FSTL4: variants seen among roughly 807,000 people sequenced by gnomAD.
The protein encoded by FSTL4 is follistatin like 4.
In FSTL4, 28 loss-of-function variants were observed where a neutral mutation model predicts 78.2. The observed-to-expected ratio is 0.36, with a 90% CI of 0.27 to 0.49. FSTL4 has a LOEUF of 0.49. Ranked by LOEUF, FSTL4 falls within the 20% of genes least tolerant of loss-of-function variation. The probability of loss-of-function intolerance (pLI) is 0.98; values close to 1 mark genes in which losing one functional copy is unlikely to be tolerated. For synonymous variants in FSTL4, 422 were observed against 440.5 expected (o/e 0.96, Z 0.53); for missense variants, 922 against 1,084.9 (o/e 0.85, Z 2.11).
intron 4 of FSTL4, among the ~76,000 whole-genome samples, chr5:133,341,166 A>G (rs901469864): frequency 2.6e-5 from 4 of 151,614 alleles, no homozygotes; most frequent in South Asian, 4.2e-4. Flanking sequence ...CTAAGAGCTC[A>G]GGAGAGAGTT....
At chr5:133,561,181 T>G (rs1203138936) in intron 3 of FSTL4, among the ~76,000 whole-genome samples, 1 of 151,330 alleles carries the variant, frequency 6.6e-6, no homozygotes, top group African/African-American at 2.4e-5. Context: ...ATCCAGAGTC[T>G]CATGAACACA....
At chr5:133,517,885 T>C (rs894721177) in intron 3 of FSTL4, among the ~76,000 whole-genome samples, 5 of 152,198 alleles carry the variant, frequency 3.3e-5, no homozygotes, top group Admixed American at 3.3e-4. Context: ...GGGAGCTAAG[T>C]CTTTTTTCTA....
At chr5:133,758,781 G>A in the FSTL4 span, among the ~76,000 whole-genome samples, 1 of 152,312 alleles carries the variant, frequency 6.6e-6, no homozygotes, top group Admixed American at 6.5e-5. Flanking sequence ...TAGCTGGGTG[G>A]TTCTGACTCA....
chr5:133,647,328 G>A, the FSTL4 span, among the ~76,000 whole-genome samples: 4 of 152,096 alleles, frequency 2.6e-5, no homozygotes, highest in Admixed American at 6.6e-5. Context: ...ATTGAGTTCC[G>A]TAAATTGACT....
intron 4 of FSTL4, among the ~76,000 whole-genome samples, chr5:133,320,530 C>T (rs1334480078): frequency 6.6e-6 from 1 of 152,158 alleles, no homozygotes; most frequent in East Asian, 1.9e-4. Context: ...GAAAATAAAT[C>T]ATCCCGAAAT....
At chr5:133,398,804 T>C (rs1756139097) in intron 4 of FSTL4, among the ~76,000 whole-genome samples, 1 of 152,164 alleles carries the variant, frequency 6.6e-6, no homozygotes. Flanking sequence ...ATGCCACCCT[T>C]GGTCTTTCTG....
chr5:133,741,866 T>C, the FSTL4 span, among the ~76,000 whole-genome samples: 1 of 152,196 alleles, frequency 6.6e-6, no homozygotes, highest in Admixed American at 6.5e-5. Context: ...AGGAGATGTT[T>C]CTATCCTCAA....
intron 4 of FSTL4, among the ~76,000 whole-genome samples, chr5:133,336,023 C>T (rs540645350): frequency 6.6e-6 from 1 of 152,328 alleles, no homozygotes; most frequent in South Asian, 2.1e-4. Flanking sequence ...ATAGCTTACC[C>T]TGCTCTGTGA....
chr5:133,710,986 G>A, the FSTL4 span, among the ~76,000 whole-genome samples: 4 of 152,196 alleles, frequency 2.6e-5, no homozygotes, highest in Non-Finnish European at 4.4e-5. Flanking sequence ...GGAAACCTCC[G>A]TCTCTAGTTG....
intron 3 of FSTL4, among the ~76,000 whole-genome samples, chr5:133,530,716 C>T (rs903077005): frequency 5.9e-5 from 9 of 152,156 alleles, no homozygotes; most frequent in African/African-American, 2.2e-4. Context: ...GGACCCTGCC[C>T]CGACAACAGG....
intron 4 of FSTL4, among the ~76,000 whole-genome samples, chr5:133,318,150 T>C (rs762500219): frequency 1.3e-5 from 2 of 152,248 alleles, no homozygotes; most frequent in Non-Finnish European, 2.9e-5. Context: ...TTGTGTTCAA[T>C]ATAATCAGAT....
chr5:133,504,505 A>C (rs1487456264), intron 3 of FSTL4, among the ~76,000 whole-genome samples: 1 of 152,158 alleles, frequency 6.6e-6, no homozygotes, highest in Non-Finnish European at 1.5e-5. Context: ...TTAAAACTAT[A>C]AACCTCATCA....
the FSTL4 span, among the ~76,000 whole-genome samples, chr5:133,671,118 G>A: frequency 5.3e-5 from 8 of 152,088 alleles, no homozygotes; most frequent in East Asian, 3.9e-4. Context: ...GCTAAGGGGC[G>A]AGACCTTGTG....
At chr5:133,430,704 A>G (rs1008219389) in intron 3 of FSTL4, among the ~76,000 whole-genome samples, 1 of 152,192 alleles carries the variant, frequency 6.6e-6, no homozygotes, top group African/African-American at 2.4e-5. Flanking sequence ...CCCTTCCTCA[A>G]ATTCCTGATG....
chr5:133,262,161 C>G (rs796584686), intron 6 of FSTL4, among the ~76,000 whole-genome samples: 1 of 152,224 alleles, frequency 6.6e-6, no homozygotes, highest in African/African-American at 2.4e-5. Flanking sequence ...AGCAGCTAAA[C>G]AAGCACTGGC....
chr5:133,545,851 A>ATT (rs1759563369), intron 3 of FSTL4, among the ~76,000 whole-genome samples: 1 of 152,242 alleles, frequency 6.6e-6, no homozygotes, highest in Non-Finnish European at 1.5e-5. Context: ...GATTATCTAA[A>ATT]TGGTCATGAC....
intron 6 of FSTL4, among the ~76,000 whole-genome samples, chr5:133,282,608 G>A (rs759800809): frequency 1.5e-4 from 23 of 152,202 alleles, no homozygotes; most frequent in Non-Finnish European, 2.5e-4. Context: ...GAGGTCTTCC[G>A]TTCTGGGAAT....
chr5:133,810,414 C>T, the FSTL4 span, among the ~76,000 whole-genome samples: 2 of 152,196 alleles, frequency 1.3e-5, no homozygotes, highest in Non-Finnish European at 2.9e-5. Flanking sequence ...TCAAACACCA[C>T]CTTTATCTCA....
At chr5:133,750,848 C>T in the FSTL4 span, among the ~76,000 whole-genome samples, 1 of 152,122 alleles carries the variant, frequency 6.6e-6, no homozygotes. Context: ...CTGCCCTCTG[C>T]CTGCCACACG....
Sources: gnomAD v4.1 joint callset for allele counts (sites outside exome capture counted in the v4.1 genomes callset) on GRCh38, gnomAD v4.1.1 for gene constraint, MANE v1.5 for transcripts, NCBI Gene and HGNC (gene_info 2026-07-23, HGNC 2026-07-21) for gene names.